GET1: variants seen among roughly 807,000 people sequenced by gnomAD.
The protein encoded by GET1 is guided entry of tail-anchored proteins factor 1.
A neutral mutation model predicts 22.6 loss-of-function variants in GET1; 20 were observed. That is an observed-to-expected ratio of 0.89 (90% CI 0.62 to 1.29). GET1 has a LOEUF of 1.29. GET1 is among the 50% of genes most tolerant of loss of function. The probability of loss-of-function intolerance (pLI) is 0.00; values close to 1 mark genes in which losing one functional copy is unlikely to be tolerated. For synonymous variants in GET1, 92 were observed against 83.8 expected, an observed-to-expected ratio of 1.10 and a Z score of -0.53; for missense variants, 209 against 219.9, an observed-to-expected ratio of 0.95 and a Z score of 0.31.
chr21:39,417,983 GTC>G (rs2041578250), intron 1 of GET1, among the ~76,000 whole-genome samples: 1 of 152,154 alleles, frequency 6.6e-6, no homozygotes, highest in Non-Finnish European at 1.5e-5. Context: ...TGCCAGGATT[GTC>G]TCCATCTCCT....
chr21:39,396,685 CAAAAAAA>C (rs5843962), intron 4 of GET1, among the ~76,000 whole-genome samples, 174 bp from the exon 5 acceptor site: 1 of 97,890 alleles, frequency 1.0e-5, no homozygotes, highest in African/African-American at 3.9e-5. Context: ...GACTCCGTCT[CAAAAAAA>C]AAAAAAAAAA....
intron 1 of GET1, among the ~76,000 whole-genome samples, chr21:39,417,762 T>G (rs1461150870): frequency 6.6e-6 from 1 of 151,902 alleles, no homozygotes; most frequent in East Asian, 1.9e-4. Flanking sequence ...TTATTTAATT[T>G]TTTAATTTTT....
At chr21:39,385,082 T>G (rs2146923721) in intron 1 of GET1, among the ~76,000 whole-genome samples, 1 of 152,228 alleles carries the variant, frequency 6.6e-6, no homozygotes, top group African/African-American at 2.4e-5. Flanking sequence ...AGAGGCTACT[T>G]CATCACAGCC....
chr21:39,420,854 T>C (rs752919558), intron 1 of GET1: 10 of 1,602,680 alleles, frequency 6.2e-6, no homozygotes, highest in Middle Eastern at 3.3e-4. Flanking sequence ...CTGAAAACAG[T>C]ATATATTATA....
chr21:39,417,414 A>C (rs1280030244), intron 1 of GET1, among the ~76,000 whole-genome samples: 8 of 152,208 alleles, frequency 5.3e-5, no homozygotes, highest in African/African-American at 1.9e-4. Context: ...AAAGATATTC[A>C]TGAAATCTAG....
intron 1 of GET1, among the ~76,000 whole-genome samples, chr21:39,423,875 C>T (rs1456190347): frequency 3.3e-5 from 5 of 152,084 alleles, no homozygotes; most frequent in Admixed American, 3.3e-4. Context: ...TGATAATAGG[C>T]CAGGTGCAGT....
intron 1 of GET1, among the ~76,000 whole-genome samples, chr21:39,412,966 TGCTC>T (rs2040369188): frequency 6.6e-6 from 1 of 152,148 alleles, no homozygotes; most frequent in East Asian, 1.9e-4. Context: ...CAGATCCAGG[TGCTC>T]CCATAGCACA....
intron 1 of GET1, chr21:39,387,671 A>AC (rs1164483206): frequency 1.5e-4 from 11 of 74,560 alleles, no homozygotes; most frequent in East Asian, 1.1e-3. Context: ...AGACCCCTCC[A>AC]CCCCCCCTAC....
At chr21:39,409,592 GT>G (rs200624315), downstream of GET1, among the ~76,000 whole-genome samples, 11 of 150,228 alleles carry the variant, frequency 7.3e-5, no homozygotes, top group East Asian at 2.0e-4. The surrounding 1 kb of genome is among the most constrained non-coding windows in gnomAD (Gnocchi z 4.2). Flanking sequence ...ACGGTTTTAT[GT>G]TTTTTTTTTA....
At chr21:39,390,335 T>C (rs1255632847) in intron 1 of GET1, among the ~76,000 whole-genome samples, 2 of 152,114 alleles carry the variant, frequency 1.3e-5, no homozygotes, top group African/African-American at 4.8e-5. Flanking sequence ...TGACGGGAAC[T>C]TACAAGAGCT....
At chr21:39,423,565 TCTCCCATG>T in intron 1 of GET1, 1 of 1,311,706 alleles carries the variant, frequency 7.6e-7, no homozygotes, top group Non-Finnish European at 1.0e-6. Context: ...GCATAATCTC[TCTCCCATG>T]CCCCCATGCA....
chr21:39,381,901 G>T (rs1028748938), intron 1 of GET1, among the ~76,000 whole-genome samples: 7 of 151,610 alleles, frequency 4.6e-5, no homozygotes, highest in African/African-American at 1.7e-4. Flanking sequence ...CCACGCCCAG[G>T]TATTTTTTTG....
rs1477671187 is a variant in GET1 at position 39,380,504 on chromosome 21, C to T, written c.102+18C>T. The T allele has an allele frequency of 3.1e-6, 5 of 1,602,378 alleles. No homozygotes were observed. Among genetic ancestry groups the T allele is most frequent in the East Asian group, 4.5e-5 (2 of 44,512 alleles). On this transcript the variant is annotated intron_variant, in intron 1 of 4. Transcript: ENST00000649170. ...CATCCTTCGTAAGTGGCTGCCTGGC[C>T]TCCCAAGGGCCGGTGGGGATGCCGC...
intron 4 of GET1, 53 bp from the exon 5 acceptor site, chr21:39,396,813 A>G (rs2038687447): frequency 6.6e-7 from 1 of 1,513,864 alleles, no homozygotes; most frequent in Non-Finnish European, 9.2e-7. Flanking sequence ...GCAGAGACAG[A>G]TGGGGGCAGC....
chr21:39,391,597 T>G, intron 2 of GET1, 172 bp from the exon 3 acceptor site: 106 of 605,156 alleles, frequency 1.8e-4, no homozygotes, highest in Middle Eastern at 4.6e-4. Context: ...AATGGCATAA[T>G]GAGATGGTGG....
At chr21:39,417,751 T>C (rs2041481971) in intron 1 of GET1, among the ~76,000 whole-genome samples, 1 of 151,850 alleles carries the variant, frequency 6.6e-6, no homozygotes, top group Non-Finnish European at 1.5e-5. Flanking sequence ...TTTTTATTTA[T>C]TTATTTAATT....
At position 39,390,775 on chromosome 21, in the gene GET1, C is replaced by G; in HGVS notation, c.180C>G (p.Leu60=). 1 of 1,614,160 alleles carries G rather than the reference C, an allele frequency of 6.2e-7. No homozygotes were observed. The highest frequency in any genetic ancestry group is 8.5e-7 in the Non-Finnish European group (1 of 1,180,040). ...AGATCCAGGACATGAAGCAGGAGCT[C>G]TCCACAGTCAACATGATGGACGAGT... ...RAEIQDMKQE[L]STVNMMDEFA... is the part of the protein sequence containing the mutation. The change falls in exon 2 of 5, where the codon CTC becomes CTG. Residue 60 remains leucine (L), a synonymous_variant. Transcript: ENST00000649170.
intron 1 of GET1, among the ~76,000 whole-genome samples, chr21:39,414,564 C>T (rs1487467044): frequency 6.6e-6 from 1 of 152,180 alleles, no homozygotes; most frequent in Admixed American, 6.5e-5. Flanking sequence ...ATATGCTCTT[C>T]AACAACCTCG....
intron 1 of GET1, among the ~76,000 whole-genome samples, chr21:39,425,114 A>G (rs2074440220): frequency 6.6e-6 from 1 of 152,230 alleles, no homozygotes; most frequent in African/African-American, 2.4e-5. Flanking sequence ...TCATATATCT[A>G]GATTCGGAGA....
Sources: allele counts gnomAD v4.1 joint callset (sites outside exome capture counted in the v4.1 genomes callset), GRCh38; gene constraint gnomAD v4.1.1; non-coding constraint Gnocchi (gnomAD v3.1); transcripts MANE v1.5; gene names NCBI Gene and HGNC (gene_info 2026-07-23, HGNC 2026-07-21).